SLC44A1: variants seen among roughly 807,000 people sequenced by gnomAD.
The protein encoded by SLC44A1 is solute carrier family 44 member 1, also known as choline transporter-like protein 1.
A neutral mutation model predicts 79.3 loss-of-function variants in SLC44A1; 26 were observed. The ratio of observed to expected loss-of-function variants is 0.33; its 90% confidence interval spans 0.24 to 0.46. The LOEUF is 0.46. Among genes scored for constraint, SLC44A1 ranks in the 20% least tolerant of loss-of-function variants. SLC44A1 has a pLI of 1.00. For missense variants in SLC44A1, 688 were observed against 798.1 expected (o/e 0.86, Z 1.66); for synonymous variants, 263 against 286.2 (o/e 0.92, Z 0.82).
At chr9:105,269,596 C>T (rs1156832588) in intron 1 of SLC44A1, among the ~76,000 whole-genome samples, 1 of 152,190 alleles carries the variant, frequency 6.6e-6, no homozygotes, top group Non-Finnish European at 1.5e-5. Flanking sequence ...CCCACAAACC[C>T]TCCCTTTGAT....
intron 1 of SLC44A1, among the ~76,000 whole-genome samples, chr9:105,261,392 A>G (rs1829835425): frequency 6.6e-6 from 1 of 152,088 alleles, no homozygotes; most frequent in South Asian, 2.1e-4. Flanking sequence ...CTTCTGGCCC[A>G]TTTTCTCAGT....
intron 5 of SLC44A1, among the ~76,000 whole-genome samples, chr9:105,352,937 C>G (rs1827499934): frequency 6.6e-6 from 1 of 151,416 alleles, no homozygotes; most frequent in African/African-American, 2.4e-5. Flanking sequence ...AAAAGAATGA[C>G]AAATAAGGAA....
intron 1 of SLC44A1, among the ~76,000 whole-genome samples, chr9:105,257,240 G>A (rs1053762266): frequency 6.6e-6 from 1 of 152,134 alleles, no homozygotes. Flanking sequence ...GCGATTACAA[G>A]CATGTGCCAC....
At chr9:105,419,140 A>G (rs1829211988) in intron 15 of SLC44A1, among the ~76,000 whole-genome samples, 1 of 152,204 alleles carries the variant, frequency 6.6e-6, no homozygotes, top group Admixed American at 6.5e-5. Flanking sequence ...GAGTTAGCAT[A>G]GAGACATATG....
At chr9:105,324,147 G>A (rs916537082) in intron 3 of SLC44A1, among the ~76,000 whole-genome samples, 7 of 151,648 alleles carry the variant, frequency 4.6e-5, no homozygotes, top group African/African-American at 9.7e-5. Context: ...GACTACAGGC[G>A]CCCGCCACCA....
At chr9:105,346,564 A>G (rs555345774) in intron 4 of SLC44A1, among the ~76,000 whole-genome samples, 30 of 152,136 alleles carry the variant, frequency 2.0e-4, no homozygotes, top group Admixed American at 1.6e-3. Flanking sequence ...CGCAGTTGCT[A>G]TTTTTCATGA....
rs938795798 is a variant in SLC44A1, at chr9:105,388,613, C to G, written c.1951-420C>G. ...TTCCGGTTTTGTTCTTGAACTTTTC[C>G]CTGAGAGAGGCTCGCTAGTTAAGGA... On this transcript the variant is annotated intron_variant, in intron 15 of 15. Transcript: ENST00000374720. 3.9e-5 allele frequency among the ~76,000 whole-genome samples: 6 copies of G among 152,046 alleles called. No individual in the cohort carries two copies. In the East Asian group the frequency reaches 5.8e-4, roughly 15 times the overall value.
chr9:105,248,072 C>T (rs1477849541), intron 1 of SLC44A1, among the ~76,000 whole-genome samples: 1 of 152,196 alleles, frequency 6.6e-6, no homozygotes, highest in African/African-American at 2.4e-5. Context: ...AGCTTGTCTG[C>T]AAACTCTAAT....
intron 13 of SLC44A1, among the ~76,000 whole-genome samples, chr9:105,377,160 T>G (rs1048164697): frequency 1.3e-5 from 2 of 152,166 alleles, no homozygotes; most frequent in Non-Finnish European, 2.9e-5. Context: ...AATAGAGAAA[T>G]GGTTGGGAAT....
chr9:105,395,800 A>G lies in SLC44A1; in HGVS notation c.*6744A>G. On this transcript the variant is annotated 3_prime_UTR_variant, in exon 16 of 16. Coordinates refer to ENST00000374720, the MANE Select transcript of SLC44A1 (RefSeq NM_080546.5). ...TAGACATTGAAAAGAAGACTTGGGA[A>G]TAATTGGGCAGATAGAATGGGTTCC... 3.0e-6 allele frequency: 3 copies of G among 985,310 alleles called. No individual in the cohort carries two copies. Among genetic ancestry groups the G allele is most frequent in the Non-Finnish European group, 3.6e-6 (3 of 829,822 alleles). The allele number at this position is 985,310 out of a possible 1,614,324, so 61.0% of individuals were successfully genotyped here.
At chr9:105,379,705 T>C (rs1828402972) in intron 13 of SLC44A1, among the ~76,000 whole-genome samples, 2 of 152,234 alleles carry the variant, frequency 1.3e-5, no homozygotes, top group African/African-American at 4.8e-5. Context: ...ACTTGTAACA[T>C]ATGGTCACTG....
At chr9:105,330,226 G>A (rs558223596) in intron 3 of SLC44A1, among the ~76,000 whole-genome samples, 2 of 152,148 alleles carry the variant, frequency 1.3e-5, no homozygotes, top group Non-Finnish European at 2.9e-5. Context: ...GGATCTCCAG[G>A]GATCCCAGAA....
intron 1 of SLC44A1, among the ~76,000 whole-genome samples, chr9:105,246,400 T>A (rs1829451031): frequency 6.6e-6 from 1 of 151,690 alleles, no homozygotes; most frequent in African/African-American, 2.4e-5. Context: ...GAGTGTTTGC[T>A]TACCCGTTAG....
intron 12 of SLC44A1, 116 bp downstream of exon 12, chr9:105,366,545 G>A: frequency 1.1e-5 from 5 of 460,378 alleles, no homozygotes; most frequent in Non-Finnish European, 1.9e-5. Flanking sequence ...ATTGTACATT[G>A]TGCCTTGATA....
intron 15 of SLC44A1, among the ~76,000 whole-genome samples, chr9:105,428,706 C>CT (rs144468473): frequency 0.032 from 4,762 of 150,656 alleles, 91 homozygotes; most frequent in African/African-American, 0.06. Flanking sequence ...TTATTCATAA[C>CT]TTTTTTTTTT....
chr9:105,343,553 T>C lies in SLC44A1; in HGVS notation c.407-4805T>C, dbSNP rs1380843538. 3.9e-5 allele frequency among the ~76,000 whole-genome samples: 6 copies of C among 152,284 alleles called. No individual in the cohort carries two copies. The East Asian group carries it at 1.2e-3, about 29-fold the overall frequency. ...TATGTATTCTTTTTAGCACAGTAAG[T>C]CAAAAGATTTGACTTGATATCATTT... On this transcript the variant is annotated intron_variant, in intron 4 of 15. Transcript: ENST00000374720.
chr9:105,324,417 AT>A (rs1483407844), intron 3 of SLC44A1, among the ~76,000 whole-genome samples: 19 of 150,378 alleles, frequency 1.3e-4, no homozygotes, highest in African/African-American at 4.7e-4. Context: ...CACCTGGCCA[AT>A]TTTTGTATTT....
At chr9:105,321,731 G>GA (rs1048924946) in intron 3 of SLC44A1, among the ~76,000 whole-genome samples, 19 of 151,242 alleles carry the variant, frequency 1.3e-4, no homozygotes, top group African/African-American at 4.4e-4. Context: ...AAAATACAAT[G>GA]AAAAATATAA....
At chr9:105,267,026 G>C (rs1277324727) in intron 1 of SLC44A1, among the ~76,000 whole-genome samples, 1 of 151,800 alleles carries the variant, frequency 6.6e-6, no homozygotes, top group African/African-American at 2.4e-5. Flanking sequence ...ATTTTTCTTG[G>C]TTTATTCCCT....
Sources: gnomAD v4.1 joint callset for allele counts (sites outside exome capture counted in the v4.1 genomes callset) on GRCh38, gnomAD v4.1.1 for gene constraint, MANE v1.5 for transcripts, NCBI Gene and HGNC (gene_info 2026-07-23, HGNC 2026-07-21) for gene names.